Variants in ELMO1 observed in about 807,000 individuals in gnomAD.
The protein encoded by ELMO1 is engulfment and cell motility protein 1.
In ELMO1, 26 loss-of-function variants were observed where a neutral mutation model predicts 98.9. The observed-to-expected ratio is 0.26, with a 90% confidence interval of 0.19 to 0.36. ELMO1 has a LOEUF of 0.36. Among genes scored for constraint, ELMO1 ranks in the 10% least tolerant of loss-of-function variants. ELMO1 has a pLI of 1.00. For missense variants in ELMO1, 627 were observed against 935.2 expected, an observed-to-expected ratio of 0.67 and a Z score of 4.30; for synonymous variants, 346 against 346.0, an observed-to-expected ratio of 1.00 and a Z score of 0.00.
chr7:37,180,496 C>T (rs1002512843), intron 13 of ELMO1, among the ~76,000 whole-genome samples: 1 of 152,066 alleles, frequency 6.6e-6, no homozygotes, highest in Non-Finnish European at 1.5e-5. Flanking sequence ...AGCACTATTC[C>T]AGATCAAAGG....
At chr7:37,133,301 G>T in intron 13 of ELMO1, 67 bp from the exon 14 acceptor site, 1 of 1,248,438 alleles carries the variant, frequency 8.0e-7, no homozygotes, top group South Asian at 1.3e-5. Flanking sequence ...CCAGAGATCT[G>T]ATTTCCCTCC....
chr7:37,080,418 C>A (rs11769981), intron 15 of ELMO1, among the ~76,000 whole-genome samples: 1 of 151,106 alleles, frequency 6.6e-6, no homozygotes, highest in South Asian at 2.1e-4. Context: ...CCTGAAGAAT[C>A]TCTCACCCAC....
chr7:37,221,573 T>C (rs1793596558), intron 10 of ELMO1, among the ~76,000 whole-genome samples: 1 of 152,142 alleles, frequency 6.6e-6, no homozygotes, highest in Non-Finnish European at 1.5e-5. Flanking sequence ...AAGGCAAAAT[T>C]CCACTTCTTC....
At chr7:37,348,176 G>A (rs1471334561) in intron 1 of ELMO1, among the ~76,000 whole-genome samples, 1 of 152,142 alleles carries the variant, frequency 6.6e-6, no homozygotes, top group Non-Finnish European at 1.5e-5. Context: ...ACTGAGCCTA[G>A]TGTTATCAAA....
intron 15 of ELMO1, among the ~76,000 whole-genome samples, chr7:37,061,369 G>A (rs191212646): frequency 1.6e-4 from 25 of 152,266 alleles, no homozygotes; most frequent in South Asian, 6.2e-4. Context: ...CAAAAGGCAC[G>A]TTCTAGAGAG....
chr7:37,381,667 A>T (rs1049470715), intron 1 of ELMO1, among the ~76,000 whole-genome samples: 1 of 152,144 alleles, frequency 6.6e-6, no homozygotes, highest in African/African-American at 2.4e-5. Context: ...TCCACAAACC[A>T]ATGTCGAGGG....
intron 1 of ELMO1, among the ~76,000 whole-genome samples, chr7:37,352,479 T>A (rs1801315639): frequency 6.6e-6 from 1 of 152,226 alleles, no homozygotes; most frequent in African/African-American, 2.4e-5. Context: ...CTGTGAAATG[T>A]CCATATGCAA....
chr7:37,015,470 A>G (rs1285822241), intron 15 of ELMO1, among the ~76,000 whole-genome samples: 1 of 152,094 alleles, frequency 6.6e-6, no homozygotes, highest in Non-Finnish European at 1.5e-5. Context: ...GCATGGTGGC[A>G]TGCCGCTGTA....
At chr7:37,406,027 G>C (rs1016738575) in intron 1 of ELMO1, among the ~76,000 whole-genome samples, 3 of 152,186 alleles carry the variant, frequency 2.0e-5, no homozygotes, top group Non-Finnish European at 4.4e-5. Context: ...TCAAGCTGCA[G>C]AGCTGAGATA....
At chr7:37,160,430 C>T (rs1789122145) in intron 13 of ELMO1, among the ~76,000 whole-genome samples, 1 of 152,174 alleles carries the variant, frequency 6.6e-6, no homozygotes, top group Non-Finnish European at 1.5e-5. Flanking sequence ...GGTATGAAAT[C>T]CTCCCCTGTG....
intron 4 of ELMO1, among the ~76,000 whole-genome samples, chr7:37,305,823 G>C (rs1315070850): frequency 6.6e-6 from 1 of 152,216 alleles, no homozygotes; most frequent in Non-Finnish European, 1.5e-5. Flanking sequence ...ACCTTGCTGA[G>C]AGGAAAACAT....
At chr7:36,898,614 T>G (rs890260815) in intron 16 of ELMO1, among the ~76,000 whole-genome samples, 1 of 152,182 alleles carries the variant, frequency 6.6e-6, no homozygotes, top group African/African-American at 2.4e-5. Flanking sequence ...TCCACCTATG[T>G]CCCCTGCTCT....
intron 1 of ELMO1, among the ~76,000 whole-genome samples, chr7:37,440,161 G>C (rs1805341685): frequency 6.6e-6 from 1 of 152,016 alleles, no homozygotes; most frequent in Non-Finnish European, 1.5e-5. Flanking sequence ...AAAAATCTAG[G>C]GGCCAGGCAC....
chr7:36,928,586 A>G (rs771062267), intron 16 of ELMO1, among the ~76,000 whole-genome samples: 1 of 152,188 alleles, frequency 6.6e-6, no homozygotes, highest in Non-Finnish European at 1.5e-5. Flanking sequence ...CAACAGAGAG[A>G]TAACACCAAC....
chr7:37,171,155 A>G (rs1790126177), intron 13 of ELMO1, among the ~76,000 whole-genome samples: 1 of 152,176 alleles, frequency 6.6e-6, no homozygotes, highest in Non-Finnish European at 1.5e-5. Context: ...ATATGTTTAT[A>G]AGACTGTTAA....
chr7:37,161,245 C>T (rs76368447), intron 13 of ELMO1, among the ~76,000 whole-genome samples: 5,792 of 152,188 alleles, frequency 0.038, 390 homozygotes, highest in African/African-American at 0.13. Context: ...ATCAACTGAC[C>T]TTGAGCTCTT....
chr7:36,886,238 C>T (rs1230613768), intron 18 of ELMO1, among the ~76,000 whole-genome samples: 15 of 152,160 alleles, frequency 9.9e-5, no homozygotes. Context: ...TGCCCATTGT[C>T]CTCTCCTGAG....
intron 1 of ELMO1, among the ~76,000 whole-genome samples, chr7:37,362,828 T>C (rs1167874107): frequency 6.6e-6 from 1 of 152,240 alleles, no homozygotes; most frequent in African/African-American, 2.4e-5. Context: ...ACTGCACTTC[T>C]AGCCCCCTTG....
At chr7:37,090,057 G>A (rs947299300) in intron 15 of ELMO1, among the ~76,000 whole-genome samples, 2 of 152,208 alleles carry the variant, frequency 1.3e-5, no homozygotes, top group Non-Finnish European at 2.9e-5. Flanking sequence ...TCCACCGGAA[G>A]AGATGGCCTC....
Sources: gnomAD v4.1 joint callset for allele counts (sites outside exome capture counted in the v4.1 genomes callset) on GRCh38, gnomAD v4.1.1 for gene constraint, MANE v1.5 for transcripts, NCBI Gene and HGNC (gene_info 2026-07-23, HGNC 2026-07-21) for gene names.